The following MTHFD2L variants were observed in gnomAD, a reference collection of about 807,000 sequenced individuals.
MTHFD2L encodes the protein methylenetetrahydrofolate dehydrogenase (NADP+ dependent) 2 like, also known as bifunctional methylenetetrahydrofolate dehydrogenase/cyclohydrolase 2, mitochondrial.
MTHFD2L carries 29 observed loss-of-function variants against 34.9 expected under a neutral mutation model. The observed-to-expected ratio is 0.83, with a 90% CI of 0.62 to 1.13. MTHFD2L has a LOEUF of 1.13. Ranked by LOEUF, MTHFD2L falls within the 50% of genes most tolerant of loss-of-function variation. The pLI is 0.00. For synonymous variants in MTHFD2L, 167 were observed against 155.7 expected (o/e 1.07, Z -0.54); for missense variants, 481 against 446.5 (o/e 1.08, Z -0.70).
At chr4:74,246,113 A>G (rs901648134) in intron 6 of MTHFD2L, among the ~76,000 whole-genome samples, 3 of 140,048 alleles carry the variant, frequency 2.1e-5, no homozygotes, top group East Asian at 2.0e-4. Context: ...AAGTGTTCCT[A>G]TTTCTCCACA....
In MTHFD2L at chr4:74,266,944, A is replaced by G. The variant is rs1036276212; in HGVS notation, c.806-14481A>G. 4.1e-6 allele frequency: 4 copies of G among 985,268 alleles called. No homozygotes were observed. The African/African-American group carries it at 7.0e-5, about 17-fold the overall frequency. 61.0% of individuals were successfully genotyped at this position (985,268 alleles called of 1,614,324 possible). ...AGACTATCTGGCTTTCAGGAGGTAC[A>G]TCTTTAAAAGAAAGAAATTGGACTA... On this transcript the variant is annotated intron_variant, in intron 6 of 7. Transcript: ENST00000325278.
chr4:74,176,105 C>T (rs902898552), intron 3 of MTHFD2L, among the ~76,000 whole-genome samples: 2 of 152,110 alleles, frequency 1.3e-5, no homozygotes, highest in African/African-American at 2.4e-5. Context: ...TTCACATTGG[C>T]GTCACTTCAT....
intron 7 of MTHFD2L, among the ~76,000 whole-genome samples, chr4:74,299,395 CAGCAGCAGCAGT>C (rs1345327109): frequency 6.7e-6 from 1 of 149,584 alleles, no homozygotes; most frequent in African/African-American, 2.5e-5. Context: ...GTAGCAGCAG[CAGCAGCAGCAGT>C]AGCAGTAGCA....
At chr4:74,283,600 C>G (rs1036878123) in intron 7 of MTHFD2L, among the ~76,000 whole-genome samples, 1 of 152,096 alleles carries the variant, frequency 6.6e-6, no homozygotes, top group African/African-American at 2.4e-5. Flanking sequence ...CCATTCAGCT[C>G]TACTGTTTGG....
chr4:74,271,481 A>T (rs1194591903), intron 6 of MTHFD2L, among the ~76,000 whole-genome samples: 3 of 152,204 alleles, frequency 2.0e-5, no homozygotes, highest in Non-Finnish European at 2.9e-5. Context: ...TGATGGTTGT[A>T]GATGTGTGGT....
chr4:74,288,992 A>G (rs1748541860), intron 7 of MTHFD2L, among the ~76,000 whole-genome samples: 1 of 152,118 alleles, frequency 6.6e-6, no homozygotes, highest in Non-Finnish European at 1.5e-5. Flanking sequence ...GTAGCCCTTC[A>G]GATTCTTCAA....
At chr4:74,275,270 A>G (rs1746465293) in intron 6 of MTHFD2L, among the ~76,000 whole-genome samples, 1 of 152,200 alleles carries the variant, frequency 6.6e-6, no homozygotes, top group African/African-American at 2.4e-5. Context: ...TGCAAAGGAC[A>G]TGATCTCGTT....
At chr4:74,280,378 C>T (rs777412068) in intron 6 of MTHFD2L, 3 of 152,128 alleles carry the variant, frequency 2.0e-5, no homozygotes, top group Non-Finnish European at 4.4e-5. Flanking sequence ...AGAGTTCATG[C>T]ATATGTGTTC....
chr4:74,152,594 G>A (rs978319275), intron 1 of MTHFD2L, among the ~76,000 whole-genome samples: 47 of 152,156 alleles, frequency 3.1e-4, no homozygotes, highest in African/African-American at 1.1e-3. Flanking sequence ...CACCATGGTA[G>A]TTTGCTGCAC....
At chr4:74,278,780 T>A (rs529708198) in intron 6 of MTHFD2L, among the ~76,000 whole-genome samples, 1 of 152,156 alleles carries the variant, frequency 6.6e-6, no homozygotes, top group East Asian at 1.9e-4. Context: ...ACCGCTGGCC[T>A]AGAGTAAAGC....
intron 1 of MTHFD2L, among the ~76,000 whole-genome samples, chr4:74,151,041 T>C (rs1723906860): frequency 6.6e-6 from 1 of 152,002 alleles, no homozygotes; most frequent in Admixed American, 6.6e-5. Context: ...TTTAAAAAGT[T>C]GAACAGAGGA....
intron 6 of MTHFD2L, among the ~76,000 whole-genome samples, chr4:74,251,429 CCAACCGTTGTCTT>C (rs1356986153): frequency 7.2e-5 from 11 of 152,330 alleles, no homozygotes; most frequent in Non-Finnish European, 1.6e-4. Flanking sequence ...AGCTTCATCA[CCAACCGTTGTCTT>C]CAACATACAT....
In MTHFD2L at chr4:74,118,158, T is replaced by C. The variant is rs377155527; in HGVS notation, c.-144+3501T>C. ...TAACATTATTAAGTTAATGAACAAA[T>C]AATTAAGCTTAGTAAAATATCAAAA... On this transcript the variant is annotated intron_variant and NMD_transcript_variant, in intron 2 of 9. Transcript: ENST00000429519. 1.1e-4 allele frequency among the ~76,000 whole-genome samples: 16 copies of C among 152,264 alleles called. No homozygotes were observed. The East Asian group carries it at 3.1e-3, about 29-fold the overall frequency.
At chr4:74,275,109 C>G (rs957919413) in intron 6 of MTHFD2L, among the ~76,000 whole-genome samples, 1 of 152,024 alleles carries the variant, frequency 6.6e-6, no homozygotes, top group Admixed American at 6.6e-5. Flanking sequence ...CACCCCACCC[C>G]CAACAGGCCC....
intron 6 of MTHFD2L, among the ~76,000 whole-genome samples, chr4:74,268,930 C>T (rs1341932067): frequency 6.6e-6 from 1 of 151,980 alleles, no homozygotes; most frequent in Non-Finnish European, 1.5e-5. Context: ...TACCTTTATT[C>T]GGTATTTTTT....
At chr4:74,193,915 T>C (rs933485908) in intron 3 of MTHFD2L, 2 of 152,212 alleles carry the variant, frequency 1.3e-5, no homozygotes, top group African/African-American at 4.8e-5. Context: ...TTTTGTTATC[T>C]TATTACACCC....
At chr4:74,251,927 A>T (rs769702457) in intron 6 of MTHFD2L, among the ~76,000 whole-genome samples, 8 of 152,358 alleles carry the variant, frequency 5.3e-5, no homozygotes, top group Admixed American at 4.6e-4. Context: ...AATAAAAAGC[A>T]GTGGGGAACA....
chr4:74,120,921 C>T (rs757507434), upstream of MTHFD2L, among the ~76,000 whole-genome samples: 1 of 152,190 alleles, frequency 6.6e-6, no homozygotes, highest in African/African-American at 2.4e-5. Flanking sequence ...CATATTCAAC[C>T]TGTTCAGGGA....
chr4:74,146,786 T>A (rs369370887), intron 1 of MTHFD2L, among the ~76,000 whole-genome samples: 9 of 152,206 alleles, frequency 5.9e-5, no homozygotes, highest in African/African-American at 2.2e-4. Context: ...AGATTCGGTC[T>A]TTTGAGGTAA....
Sources: gnomAD v4.1 joint callset for allele counts (sites outside exome capture counted in the v4.1 genomes callset) on GRCh38, gnomAD v4.1.1 for gene constraint, MANE v1.5 for transcripts, NCBI Gene and HGNC (gene_info 2026-07-23, HGNC 2026-07-21) for gene names.